Variants in STUM observed in about 807,000 individuals in gnomAD.
The protein encoded by STUM is protein stum homolog.
A neutral mutation model predicts 15.3 loss-of-function variants in STUM; 8 were observed. The observed-to-expected ratio is 0.52, with a 90% CI of 0.31 to 0.94. STUM has a LOEUF of 0.94. Among genes scored for constraint, STUM ranks in the 40% least tolerant of loss-of-function variants. The pLI is 0.05. For synonymous variants in STUM, 78 were observed against 88.7 expected, an observed-to-expected ratio of 0.88 and a Z score of 0.68; for missense variants, 142 against 204.9, an observed-to-expected ratio of 0.69 and a Z score of 1.87.
rs1667636033 is a variant in STUM, at chr1:226,567,028, A to G, written c.202+17922A>G. On this transcript the variant is annotated intron_variant, in intron 1 of 3. Transcript: ENST00000366788. The surrounding 1 kb of genome is among the most constrained non-coding windows in gnomAD (Gnocchi z 4.5). ...GCTGCAAATAAGATTCCAAGAATCC[A>G]TGTTAGGACAGAGACCTGGATTTCT... Among the ~76,000 whole-genome samples, 1 of 152,216 alleles carries G rather than the reference A, an allele frequency of 6.6e-6. No individual in the cohort carries two copies. The highest frequency in any genetic ancestry group is 1.5e-5 in the Non-Finnish European group (1 of 68,044).
chr1:226,548,783 G>A lies in STUM; in HGVS notation c.-122G>A. On this transcript the variant is annotated 5_prime_UTR_variant, in exon 1 of 4. Transcript: ENST00000366788. ...GTCTCCGCGAGCCGCGCGGCGCACG[G>A]AGCACGGCGGCCGCCTGAGCTCGGC... The A allele has an allele frequency of 2.5e-6, 2 of 789,814 alleles. No homozygotes were observed. Among genetic ancestry groups the A allele is most frequent in the Non-Finnish European group, 3.4e-6 (2 of 596,192 alleles). The allele number at this position is 789,814 out of a possible 1,614,324, so 48.9% of individuals were successfully genotyped here.
chr1:226,564,242 C>T (rs1667585634), intron 1 of STUM, among the ~76,000 whole-genome samples: 1 of 152,310 alleles, frequency 6.6e-6, no homozygotes, highest in South Asian at 2.1e-4. Context: ...CTAGATCTCT[C>T]TGTGTGAGTT....
At chr1:226,574,089 G>T (rs983902556) in intron 1 of STUM, among the ~76,000 whole-genome samples, 15 of 152,180 alleles carry the variant, frequency 9.9e-5, no homozygotes, top group African/African-American at 3.6e-4. Flanking sequence ...TCCAGCCTCA[G>T]CCTCCCAAAG....
intron 3 of STUM, 49 bp from the exon 4 acceptor site, chr1:226,601,957 C>T: frequency 6.3e-7 from 1 of 1,576,136 alleles, no homozygotes; most frequent in South Asian, 1.1e-5. Flanking sequence ...TGGAGAAATC[C>T]TGAAGTAAGC....
intron 1 of STUM, among the ~76,000 whole-genome samples, chr1:226,575,811 A>G (rs1667800017): frequency 6.6e-6 from 1 of 152,242 alleles, no homozygotes; most frequent in Non-Finnish European, 1.5e-5. Flanking sequence ...GCCAATAGAT[A>G]GTCAGCCTTT....
Position 226,565,868 on chromosome 1 carries a change from C to T in STUM, c.202+16762C>T, listed in dbSNP as rs562993298. 2.0e-5 allele frequency among the ~76,000 whole-genome samples: 3 copies of T among 152,334 alleles called. No homozygotes were observed. The highest frequency in any genetic ancestry group is 2.1e-4 in the South Asian group (1 of 4,830). On this transcript the variant is annotated intron_variant, in intron 1 of 3. Coordinates refer to ENST00000366788, the MANE Select transcript of STUM (RefSeq NM_001003665.4). This position sits in a 1 kb window ranked among gnomAD's most constrained non-coding sequence, Gnocchi z 4.4. The stretch of plus-strand genomic sequence containing the variant: ...CGCTGCCTTCCCGGAATGTCATCTC[C>T]CTCTTTCACCTGGAGCCTTCATTTT...
Position 226,607,206 on chromosome 1 carries a change from A to G in STUM, c.*5166A>G, listed in dbSNP as rs1668376593. On this transcript the variant is annotated 3_prime_UTR_variant, in exon 4 of 4. Transcript: ENST00000366788. ...GCTCAGGGGCCTGTGTTTTTCATCAATCAGTTTTCTTCCTGCAAGATTCTT... is the reference window on the plus strand; with the variant it reads ...GCTCAGGGGCCTGTGTTTTTCATCAGTCAGTTTTCTTCCTGCAAGATTCTT... The G allele has an allele frequency of 6.6e-6, 1 of 152,230 alleles. No individual in the cohort carries two copies. The highest frequency in any genetic ancestry group is 1.5e-5 in the Non-Finnish European group (1 of 68,116). The allele number at this position is 152,230 out of a possible 1,614,324, so 9.4% of individuals were successfully genotyped here. A position where few individuals can be genotyped will look rare whatever the true frequency, so the allele number is the denominator to read the frequency against.
chr1:226,556,075 G>A (rs1667441096), intron 1 of STUM, among the ~76,000 whole-genome samples: 1 of 152,084 alleles, frequency 6.6e-6, no homozygotes, highest in South Asian at 2.1e-4. Flanking sequence ...ATCTCAATTT[G>A]GACCTGTCCC....
chr1:226,580,368 G>T (rs1473054676), intron 1 of STUM, among the ~76,000 whole-genome samples: 2 of 152,140 alleles, frequency 1.3e-5, no homozygotes, highest in African/African-American at 4.8e-5. Flanking sequence ...CAGAGGCAAG[G>T]TCTGTGCTGG....
Position 226,609,093 on chromosome 1 carries a change from A to C in STUM, c.*7053A>C, listed in dbSNP as rs1207699418. The stretch of plus-strand genomic sequence containing the variant: ...ACACCTTCCTATTATAAATATATAA[A>C]GCATGACATCTCTTTGGCATTCCAA... On this transcript the variant is annotated 3_prime_UTR_variant, in exon 4 of 4. Transcript: ENST00000366788. 1 of 152,262 alleles carries C rather than the reference A, an allele frequency of 6.6e-6. No individual in the cohort carries two copies. Among genetic ancestry groups the C allele is most frequent in the African/African-American group, 2.4e-5 (1 of 41,474 alleles). The allele number at this position is 152,262 out of a possible 1,614,324, so 9.4% of individuals were successfully genotyped here.
At chr1:226,599,163 G>A (rs1668227158) in intron 2 of STUM, among the ~76,000 whole-genome samples, 1 of 152,146 alleles carries the variant, frequency 6.6e-6, no homozygotes, top group Non-Finnish European at 1.5e-5. Context: ...TAGGAATTGT[G>A]GGAGTTACAA....
At chr1:226,590,256 G>A (rs1668065738) in intron 1 of STUM, among the ~76,000 whole-genome samples, 3 of 152,142 alleles carry the variant, frequency 2.0e-5, no homozygotes, top group Admixed American at 2.0e-4. Flanking sequence ...CCACACCCTG[G>A]AATCCACACC....
intron 1 of STUM, among the ~76,000 whole-genome samples, chr1:226,572,451 G>T (rs768745998): frequency 6.6e-6 from 1 of 152,218 alleles, no homozygotes; most frequent in Non-Finnish European, 1.5e-5. Context: ...GGTGGGAGAG[G>T]CTAACAGCCC....
At chr1:226,579,546 G>A (rs4653752) in intron 1 of STUM, among the ~76,000 whole-genome samples, 9,092 of 152,242 alleles carry the variant, frequency 0.06, 323 homozygotes, top group South Asian at 0.075. Context: ...GTGAGGGGCC[G>A]TGGAGGCCTC....
chr1:226,601,430 T>G (rs1668260700), intron 3 of STUM, among the ~76,000 whole-genome samples: 1 of 152,170 alleles, frequency 6.6e-6, no homozygotes, highest in African/African-American at 2.4e-5. Flanking sequence ...CTTTCACACC[T>G]AAATAAAGCA....
intron 1 of STUM, among the ~76,000 whole-genome samples, chr1:226,569,056 G>A (rs1358223782): frequency 2.1e-5 from 3 of 139,904 alleles, no homozygotes; most frequent in African/African-American, 9.5e-5. Flanking sequence ...CTCTTTTCTG[G>A]GGATGACTTT....
chr1:226,573,832 A>G (rs1667760418), intron 1 of STUM, among the ~76,000 whole-genome samples: 2 of 150,130 alleles, frequency 1.3e-5, no homozygotes, highest in East Asian at 2.0e-4. Context: ...TCCAGTGTAC[A>G]ATATACTTTT....
intron 1 of STUM, among the ~76,000 whole-genome samples, chr1:226,593,604 TG>T (rs373566816): frequency 1.3e-4 from 20 of 152,244 alleles, no homozygotes; most frequent in African/African-American, 4.6e-4. Flanking sequence ...ACTCCAGAGT[TG>T]CACCCCAACC....
chr1:226,581,829 G>A (rs1479857199), intron 1 of STUM, among the ~76,000 whole-genome samples: 1 of 152,336 alleles, frequency 6.6e-6, no homozygotes, highest in South Asian at 2.1e-4. Context: ...TGCCCTAGCC[G>A]GCTTGTGTCA....
Sources: gnomAD v4.1 joint callset for allele counts (sites outside exome capture counted in the v4.1 genomes callset) on GRCh38, gnomAD v4.1.1 for gene constraint, Gnocchi (gnomAD v3.1) non-coding constraint, MANE v1.5 for transcripts, NCBI Gene and HGNC (gene_info 2026-07-23, HGNC 2026-07-21) for gene names.